The following KDM4C variants were observed in gnomAD, a reference collection of about 807,000 sequenced individuals.
KDM4C encodes the protein lysine demethylase 4C, also known as lysine-specific demethylase 4C.
In KDM4C, 81 loss-of-function variants were observed where a neutral mutation model predicts 129.3. The ratio of observed to expected loss-of-function variants is 0.63; its 90% CI spans 0.52 to 0.75. KDM4C has a LOEUF of 0.75. Ranked by LOEUF, KDM4C falls within the 30% of genes least tolerant of loss-of-function variation. KDM4C has a pLI of 0.00. For synonymous variants in KDM4C, 573 were observed against 456.1 expected (o/e 1.26, Z -3.26); for missense variants, 1,457 against 1,304.0 (o/e 1.12, Z -1.81).
At chr9:6,984,463 T>C (rs1447768547) in intron 10 of KDM4C, 59 bp downstream of exon 10, 1 of 1,098,826 alleles carries the variant, frequency 9.1e-7, no homozygotes, top group African/African-American at 1.5e-5. Flanking sequence ...TGATCAGATG[T>C]CTTAAATGGA....
At chr9:6,809,186 C>A (rs1055261179) in intron 3 of KDM4C, among the ~76,000 whole-genome samples, 5 of 152,100 alleles carry the variant, frequency 3.3e-5, no homozygotes. Context: ...TGAATCATTT[C>A]TTTTGAATTT....
intron 18 of KDM4C, 62 bp downstream of exon 18, chr9:7,103,932 C>A: frequency 7.0e-7 from 1 of 1,430,676 alleles, no homozygotes. Flanking sequence ...CTGTTTTAGA[C>A]TACCTCCCAG....
chr9:7,094,332 TTC>T (rs1364707637), intron 17 of KDM4C, among the ~76,000 whole-genome samples: 5 of 152,134 alleles, frequency 3.3e-5, no homozygotes, highest in Non-Finnish European at 7.3e-5. Context: ...TAAAAGGAAT[TTC>T]TTTTTTTTTA....
chr9:6,867,011 ATATATATTTT>A (rs764838390), intron 5 of KDM4C, among the ~76,000 whole-genome samples: 214 of 102,228 alleles, frequency 2.1e-3, no homozygotes, highest in African/African-American at 8.0e-3. Context: ...ATATATATAT[ATATATATTTT>A]TTTTTTTTTT....
intron 6 of KDM4C, 58 bp from the exon 7 acceptor site, chr9:6,887,902 T>A: frequency 9.9e-7 from 1 of 1,006,948 alleles, no homozygotes; most frequent in South Asian, 1.3e-5. Context: ...TTAAAAAACC[T>A]ATTTGATATT....
At chr9:7,168,690 G>T (rs1341649437) in intron 20 of KDM4C, among the ~76,000 whole-genome samples, 1 of 152,122 alleles carries the variant, frequency 6.6e-6, no homozygotes, top group Non-Finnish European at 1.5e-5. Flanking sequence ...GATGGCATTT[G>T]ATTGAATTTG....
At chr9:7,164,589 C>G (rs1844170735) in intron 19 of KDM4C, among the ~76,000 whole-genome samples, 1 of 152,138 alleles carries the variant, frequency 6.6e-6, no homozygotes, top group Non-Finnish European at 1.5e-5. Flanking sequence ...ACAGGACACA[C>G]CCACCCAGCT....
chr9:7,034,189 A>G (rs936620627), intron 15 of KDM4C, among the ~76,000 whole-genome samples: 3 of 152,124 alleles, frequency 2.0e-5, no homozygotes, highest in Non-Finnish European at 4.4e-5. Context: ...CATCTCAAAC[A>G]TTTATCATTT....
chr9:7,040,400 TGTGTGC>T (rs1554712902), intron 15 of KDM4C, among the ~76,000 whole-genome samples: 3 of 143,754 alleles, frequency 2.1e-5, no homozygotes, highest in East Asian at 2.1e-4. Flanking sequence ...TGTGTGTGTG[TGTGTGC>T]GTGTGTATGT....
upstream of KDM4C, among the ~76,000 whole-genome samples, chr9:6,754,588 A>C (rs1216570150): frequency 6.6e-6 from 1 of 152,098 alleles, no homozygotes; most frequent in Non-Finnish European, 1.5e-5. Flanking sequence ...AAGTATATCA[A>C]TTTGCAGCCA....
intron 8 of KDM4C, among the ~76,000 whole-genome samples, chr9:6,931,524 A>G (rs572783014): frequency 6.6e-6 from 1 of 152,148 alleles, no homozygotes; most frequent in African/African-American, 2.4e-5. Flanking sequence ...TTCATAAGAA[A>G]GGGTCTTGTT....
rs28626307 is a variant in KDM4C, at chr9:7,132,324, G to C, written c.2781+4088G>C. Among the ~76,000 whole-genome samples, 1,041 of 152,298 alleles carry C rather than the reference G, an allele frequency of 6.8e-3. 15 individuals are homozygous for C. The highest frequency in any genetic ancestry group is 0.024 in the African/African-American group (990 of 41,556). On this transcript the variant is annotated intron_variant, in intron 19 of 21. Transcript: ENST00000381309. ...AATGCAGGCTGGCCTATCCATGTTT[G>C]AGAATTTTGGCAGGCGTTAAAAATG...
intron 4 of KDM4C, among the ~76,000 whole-genome samples, chr9:6,827,456 A>T (rs1046171970): frequency 3.3e-5 from 5 of 152,224 alleles, no homozygotes; most frequent in Admixed American, 3.3e-4. Context: ...ATCTTTTCAC[A>T]CCAAGGTGTT....
chr9:6,909,385 C>A (rs1487474311), intron 8 of KDM4C, among the ~76,000 whole-genome samples: 1 of 152,200 alleles, frequency 6.6e-6, no homozygotes, highest in Non-Finnish European at 1.5e-5. Flanking sequence ...TTCTGTAGTG[C>A]TGTAGATCAT....
At chr9:7,044,792 G>T (rs1199621822) in intron 15 of KDM4C, among the ~76,000 whole-genome samples, 1 of 151,974 alleles carries the variant, frequency 6.6e-6, no homozygotes, top group African/African-American at 2.4e-5. Flanking sequence ...TGCTCAGCAG[G>T]CATGTGTGGA....
At chr9:7,031,676 A>ATG (rs1277414759) in intron 15 of KDM4C, among the ~76,000 whole-genome samples, 51 of 151,944 alleles carry the variant, frequency 3.4e-4, no homozygotes, top group Middle Eastern at 3.4e-3. Context: ...TTATATATAT[A>ATG]TGTGTGTGTG....
intron 18 of KDM4C, among the ~76,000 whole-genome samples, chr9:7,121,663 T>G (rs1839500029): frequency 6.6e-6 from 1 of 152,186 alleles, no homozygotes; most frequent in South Asian, 2.1e-4. Context: ...GCATATACAT[T>G]CTGCATTTTT....
At chr9:6,839,836 G>A (rs1207373468) in intron 4 of KDM4C, among the ~76,000 whole-genome samples, 1 of 152,006 alleles carries the variant, frequency 6.6e-6, no homozygotes, top group Admixed American at 6.5e-5. Context: ...CTGGGAGGTG[G>A]AGGTTGCAGT....
intron 12 of KDM4C, among the ~76,000 whole-genome samples, chr9:6,995,811 A>G (rs1187811570): frequency 1.3e-5 from 2 of 152,068 alleles, no homozygotes; most frequent in Non-Finnish European, 1.5e-5. Context: ...AGCTGGGACT[A>G]CAGGCGCCTG....
Sources: gnomAD v4.1 joint callset for allele counts (sites outside exome capture counted in the v4.1 genomes callset) on GRCh38, gnomAD v4.1.1 for gene constraint, MANE v1.5 for transcripts, NCBI Gene and HGNC (gene_info 2026-07-23, HGNC 2026-07-21) for gene names.